The following ANAPC16 variants were observed in gnomAD, a reference collection of about 807,000 sequenced individuals.
ANAPC16 encodes the protein anaphase promoting complex subunit 16.
ANAPC16 carries 6 observed loss-of-function variants against 13.1 expected under a neutral mutation model. That is an observed-to-expected ratio of 0.46 (90% CI 0.25 to 0.90). The LOEUF is 0.90. Ranked by LOEUF, ANAPC16 falls within the 40% of genes least tolerant of loss-of-function variation. The pLI is 0.18. For synonymous variants in ANAPC16, 55 were observed against 51.3 expected, an observed-to-expected ratio of 1.07 and a Z score of -0.31; for missense variants, 113 against 131.1, an observed-to-expected ratio of 0.86 and a Z score of 0.67.
At chr10:72,219,723 C>T (rs888950600) in intron 1 of ANAPC16, among the ~76,000 whole-genome samples, 25 of 152,172 alleles carry the variant, frequency 1.6e-4, no homozygotes, top group African/African-American at 6.0e-4. Flanking sequence ...GGAAACATAG[C>T]GACACTCTGT....
At chr10:72,226,540 G>A (rs930513737) in intron 2 of ANAPC16, among the ~76,000 whole-genome samples, 1 of 151,994 alleles carries the variant, frequency 6.6e-6, no homozygotes, top group Non-Finnish European at 1.5e-5. Flanking sequence ...GGGTGTGGTG[G>A]CACGTGGCTG....
At chr10:72,232,965 G>A (rs777225132) in intron 3 of ANAPC16, 36 bp from the exon 4 acceptor site, 5 of 1,550,914 alleles carry the variant, frequency 3.2e-6, no homozygotes, top group Non-Finnish European at 4.5e-6. Flanking sequence ...TGGGTAATAC[G>A]TTGTTGCATA....
intron 2 of ANAPC16, among the ~76,000 whole-genome samples, chr10:72,227,980 G>A (rs1005864289): frequency 1.3e-5 from 2 of 150,448 alleles, no homozygotes; most frequent in African/African-American, 4.9e-5. Context: ...GCAGTGAGCC[G>A]AGATCATGCC....
At chr10:72,225,027 T>G (rs1253168571) in intron 2 of ANAPC16, among the ~76,000 whole-genome samples, 1 of 152,144 alleles carries the variant, frequency 6.6e-6, no homozygotes, top group Non-Finnish European at 1.5e-5. Flanking sequence ...CTCATGCCTG[T>G]AATTCTAGCA....
At chr10:72,227,939 G>C (rs910927014) in intron 2 of ANAPC16, among the ~76,000 whole-genome samples, 4 of 150,682 alleles carry the variant, frequency 2.7e-5, no homozygotes, top group African/African-American at 9.8e-5. Flanking sequence ...AGGAGGCTGA[G>C]AGAATTGCTT....
chr10:72,224,637 A>T (rs1027140902), intron 2 of ANAPC16, among the ~76,000 whole-genome samples: 1 of 149,314 alleles, frequency 6.7e-6, no homozygotes, highest in Non-Finnish European at 1.5e-5. Context: ...ACGCAGAGGC[A>T]GCACTGAATC....
At chr10:72,216,807 C>G (rs756081032) in intron 1 of ANAPC16, 6 of 456,118 alleles carry the variant, frequency 1.3e-5, no homozygotes, top group Non-Finnish European at 2.6e-5. Flanking sequence ...TCTCCACTGT[C>G]AGCCCCAACT....
In ANAPC16 at chr10:72,234,937, G is replaced by A. The variant is rs1313362814; in HGVS notation, c.*1821G>A. 6.6e-6 allele frequency: 1 copy of A among 152,220 alleles called. No individual in the cohort carries two copies. The highest frequency in any genetic ancestry group is 1.5e-5 in the Non-Finnish European group (1 of 68,074). The allele number at this position is 152,220 out of a possible 1,614,324, so 9.4% of individuals were successfully genotyped here. On this transcript the variant is annotated 3_prime_UTR_variant, in exon 4 of 4. Coordinates refer to ENST00000299381, the MANE Select transcript of ANAPC16 (RefSeq NM_173473.4). The stretch of plus-strand genomic sequence containing the variant: ...AGGCTGAGGTGAGTGGATCACTAGA[G>A]GTCAGGAGTTCAAGACCAGTCTGGC...
At chr10:72,226,425 G>A (rs1459158643) in intron 2 of ANAPC16, among the ~76,000 whole-genome samples, 1 of 152,088 alleles carries the variant, frequency 6.6e-6, no homozygotes, top group Non-Finnish European at 1.5e-5. Context: ...TGTAATCCCA[G>A]CACTTTGGGA....
intron 1 of ANAPC16, among the ~76,000 whole-genome samples, chr10:72,221,441 A>G (rs1708284512): frequency 6.6e-6 from 1 of 152,080 alleles, no homozygotes; most frequent in African/African-American, 2.4e-5. Flanking sequence ...TAGGTGCAAC[A>G]TGAAGCTACT....
At chr10:72,224,152 T>G in intron 2 of ANAPC16, 96 bp downstream of exon 2, 1 of 1,246,768 alleles carries the variant, frequency 8.0e-7, no homozygotes, top group Non-Finnish European at 1.1e-6. Flanking sequence ...GAGTTTGCCC[T>G]GATTTCAGCT....
intron 1 of ANAPC16, among the ~76,000 whole-genome samples, chr10:72,221,980 G>A (rs1054095605): frequency 7.3e-5 from 11 of 149,910 alleles, no homozygotes; most frequent in Admixed American, 1.3e-4. Context: ...CACCCGCCTC[G>A]GCCTCCCAAA....
rs895681879 is a variant in ANAPC16 at position 72,229,530 on chromosome 10, C to T, written c.143-836C>T. On this transcript the variant is annotated intron_variant, in intron 2 of 3. Coordinates refer to ENST00000299381, the MANE Select transcript of ANAPC16 (RefSeq NM_173473.4). ...AAAGGACAGCTGTGTCCTCTCTCCC[C>T]GTTTGTTTTAGGATTTTCGCAATAA... is the stretch of plus-strand genomic sequence containing the variant. 5.3e-5 allele frequency among the ~76,000 whole-genome samples: 8 copies of T among 152,010 alleles called. 1 individual carries two copies. The highest frequency in any genetic ancestry group is 3.9e-4 in the East Asian group (2 of 5,190).
chr10:72,223,041 C>CAA (rs1039115389), intron 1 of ANAPC16: 11 of 150,086 alleles, frequency 7.3e-5, no homozygotes, highest in African/African-American at 2.7e-4. Flanking sequence ...GGGATGCCAC[C>CAA]AAGTGATAAG....
rs1037970948 is a variant in ANAPC16, at chr10:72,234,328, T to C, written c.*1212T>C. ...CAGCCAATTTTTTTTTAAAGAGACA[T>C]GGTCTTGCTATGTTGCCCAGGTTGG... is the stretch of plus-strand genomic sequence containing the variant. On this transcript the variant is annotated 3_prime_UTR_variant, in exon 4 of 4. Transcript: ENST00000299381. 5.3e-5 allele frequency: 8 copies of C among 151,988 alleles called. No homozygotes were observed. Among genetic ancestry groups the C allele is most frequent in the African/African-American group, 1.9e-4 (8 of 41,368 alleles). The allele number at this position is 151,988 out of a possible 1,614,324, so 9.4% of individuals were successfully genotyped here. A position where few individuals can be genotyped will look rare whatever the true frequency, so the allele number is the denominator to read the frequency against.
At chr10:72,224,852 G>A (rs149595928) in intron 2 of ANAPC16, among the ~76,000 whole-genome samples, 79 of 152,268 alleles carry the variant, frequency 5.2e-4, no homozygotes, top group Middle Eastern at 3.4e-3. Context: ...GCATGATGCC[G>A]TGTGGTTCTT....
chr10:72,222,971 C>T (rs1360397736), intron 1 of ANAPC16, among the ~76,000 whole-genome samples: 1 of 151,740 alleles, frequency 6.6e-6, no homozygotes, highest in African/African-American at 2.4e-5. Flanking sequence ...CAGGTAGGTG[C>T]TCTGTTCATA....
Position 72,223,886 on chromosome 10 carries a change from A to G in ANAPC16, c.-27-2A>G. The stretch of plus-strand genomic sequence containing the variant: ...CCAATTGCTGTTTTTCTTTCTCTGT[A>G]GTGAAGTAAGAACTCTGCTAGAGAG... On this transcript the variant is annotated splice_acceptor_variant, in intron 1 of 3. Coordinates refer to ENST00000299381, the MANE Select transcript of ANAPC16 (RefSeq NM_173473.4). LOFTEE classifies it low-confidence loss of function (5UTR_SPLICE). The G allele has an allele frequency of 6.5e-7, 1 of 1,532,040 alleles. No individual in the cohort carries two copies. Among genetic ancestry groups the G allele is most frequent in the Non-Finnish European group, 8.9e-7 (1 of 1,128,220 alleles). 94.9% of individuals were successfully genotyped at this position (1,532,040 alleles called of 1,614,324 possible). A position where few individuals can be genotyped will look rare whatever the true frequency, so the allele number is the denominator to read the frequency against.
Position 72,233,839 on chromosome 10 carries a change from T to G in ANAPC16, c.*723T>G, listed in dbSNP as rs1307941289. On this transcript the variant is annotated 3_prime_UTR_variant, in exon 4 of 4. Transcript: ENST00000299381. ...TTGAAAGAGCTCCAAATTGGTGGCA[T>G]TATCCTTTCAAAATCTCAGGGATTT... 1 of 152,626 alleles carries G rather than the reference T, an allele frequency of 6.6e-6. No homozygotes were observed. Among genetic ancestry groups the G allele is most frequent in the Admixed American group, 6.6e-5 (1 of 15,260 alleles). The allele number at this position is 152,626 out of a possible 1,614,324, so 9.5% of individuals were successfully genotyped here.
Sources: gnomAD v4.1 joint callset for allele counts (sites outside exome capture counted in the v4.1 genomes callset) on GRCh38, gnomAD v4.1.1 for gene constraint, MANE v1.5 for transcripts, NCBI Gene and HGNC (gene_info 2026-07-23, HGNC 2026-07-21) for gene names.